Variants in PSMF1 observed in about 807,000 individuals in gnomAD.
PSMF1 encodes proteasome inhibitor subunit 1.
Under a neutral mutation model 29.3 loss-of-function variants are expected in PSMF1, and 30 were observed. That is an observed-to-expected ratio of 1.02 (90% CI 0.77 to 1.39). The LOEUF is 1.39. PSMF1 is among the 40% of genes most tolerant of loss of function. The pLI is 0.00. For synonymous variants in PSMF1, 134 were observed against 139.7 expected (o/e 0.96, Z 0.29); for missense variants, 344 against 357.5 (o/e 0.96, Z 0.31).
intron 1 of PSMF1, among the ~76,000 whole-genome samples, chr20:1,123,460 G>A (rs1459183409): frequency 1.3e-5 from 2 of 152,008 alleles, no homozygotes; most frequent in East Asian, 1.9e-4. Context: ...GCATTTTTTT[G>A]TGCTTTTTAA....
rs1251287664 is a variant in PSMF1, at chr20:1,165,140, TC to T, written c.*64del. 19 of 1,613,478 alleles carry T rather than the reference TC, an allele frequency of 1.2e-5. No individual in the cohort carries two copies. The Admixed American group carries it at 3.2e-4, about 27-fold the overall frequency. On this transcript the variant is annotated 3_prime_UTR_variant, in exon 7 of 7. Coordinates refer to ENST00000335877, the MANE Select transcript of PSMF1 (RefSeq NM_006814.5). ...CATTCTCCTGGAGCTGCCACCGCTG[TC>T]CCCATCAGCAACCATGTTCTTGCAG...
Position 1,164,237 on chromosome 20 carries a change from G to T in PSMF1, c.606-81G>T. The stretch of plus-strand genomic sequence containing the variant: ...CAGAGTAGACATCCCAGCCATTCTT[G>T]GTGCATTGTAACCTCCCTCGCCTTT... On this transcript the variant is annotated intron_variant, in intron 5 of 6. Coordinates refer to ENST00000335877, the MANE Select transcript of PSMF1 (RefSeq NM_006814.5). This position sits in a 1 kb window ranked among gnomAD's most constrained non-coding sequence, Gnocchi z 4.1. 7.2e-7 allele frequency: 1 copy of T among 1,381,200 alleles called. No individual in the cohort carries two copies. Among genetic ancestry groups the T allele is most frequent in the Non-Finnish European group, 1.0e-6 (1 of 973,772 alleles). The allele number at this position is 1,381,200 out of a possible 1,614,324, so 85.6% of individuals were successfully genotyped here.
chr20:1,139,504 CAG>C (rs888398673), intron 4 of PSMF1, among the ~76,000 whole-genome samples: 1 of 152,062 alleles, frequency 6.6e-6, no homozygotes, highest in Non-Finnish European at 1.5e-5. Context: ...CTCCGAAAAA[CAG>C]AACTAAGCAA....
intron 1 of PSMF1, among the ~76,000 whole-genome samples, chr20:1,122,315 TA>T (rs906409003): frequency 4.5e-5 from 5 of 111,134 alleles, no homozygotes; most frequent in African/African-American, 1.8e-4. Context: ...TTTTTTTTTT[TA>T]ATCCGAGATG....
At chr20:1,117,699 G>A (rs1311434155), upstream of PSMF1, 1 of 152,264 alleles carries the variant, frequency 6.6e-6, no homozygotes, top group Non-Finnish European at 1.5e-5. Flanking sequence ...GTACAGACTA[G>A]AGAGAGACAG....
intron 4 of PSMF1, among the ~76,000 whole-genome samples, chr20:1,154,344 A>G (rs1486810922): frequency 6.6e-6 from 1 of 152,162 alleles, no homozygotes; most frequent in Non-Finnish European, 1.5e-5. Context: ...TAAATGTAGC[A>G]TTTCCCAACC....
In PSMF1 at chr20:1,118,733, C is replaced by T. The variant is rs77671210; in HGVS notation, c.-41C>T. 4.8e-4 allele frequency: 773 copies of T among 1,597,640 alleles called. 5 individuals carry two copies. The African/African-American group carries it at 8.3e-3, about 17-fold the overall frequency. ...CGGAGCCGGCTCACTGCACTACCCC[C>T]GCCCCCTTCTTTCCTCCAGACGCCG... On this transcript the variant is annotated 5_prime_UTR_variant, in exon 1 of 7. Coordinates refer to ENST00000335877, the MANE Select transcript of PSMF1 (RefSeq NM_006814.5).
At chr20:1,161,775 C>T (rs1600174984) in intron 4 of PSMF1, 1 of 394,344 alleles carries the variant, frequency 2.5e-6, no homozygotes. Context: ...CAAATGTATA[C>T]ACCTCATGCC....
intron 1 of PSMF1, among the ~76,000 whole-genome samples, chr20:1,122,453 T>A (rs1221596106): frequency 6.6e-6 from 1 of 151,978 alleles, no homozygotes; most frequent in Non-Finnish European, 1.5e-5. Context: ...CCCGCCACCA[T>A]GCCTGGCTAA....
chr20:1,147,164 TCATCATCATCATCAC>T (rs59447136), intron 4 of PSMF1, among the ~76,000 whole-genome samples: 13,281 of 138,824 alleles, frequency 0.096, 745 homozygotes, highest in African/African-American at 0.16. Flanking sequence ...ATCATCATCA[TCATCATCATCATCAC>T]CACCCTGTGT....
intron 4 of PSMF1, among the ~76,000 whole-genome samples, chr20:1,147,492 A>C (rs895794170): frequency 2.0e-5 from 3 of 152,238 alleles, no homozygotes; most frequent in African/African-American, 7.2e-5. Context: ...AATTCAATGT[A>C]GTGTAGACTG....
At chr20:1,161,493 A>G (rs1485981370) in intron 4 of PSMF1, 3 of 516,120 alleles carry the variant, frequency 5.8e-6, no homozygotes, top group Non-Finnish European at 7.2e-6. Flanking sequence ...CATGTACCCA[A>G]GCATCTCCAA....
intron 4 of PSMF1, among the ~76,000 whole-genome samples, chr20:1,141,289 C>T (rs1403852363): frequency 3.9e-5 from 6 of 152,096 alleles, no homozygotes; most frequent in Admixed American, 6.5e-5. Context: ...AAAAACCATG[C>T]GTTATACATG....
intron 4 of PSMF1, among the ~76,000 whole-genome samples, chr20:1,139,534 G>T (rs1245759339): frequency 6.6e-6 from 1 of 152,072 alleles, no homozygotes; most frequent in Non-Finnish European, 1.5e-5. Flanking sequence ...AATGTGGCAG[G>T]ATATAAAATT....
chr20:1,142,718 C>T (rs1389547103), intron 4 of PSMF1, among the ~76,000 whole-genome samples: 2 of 152,146 alleles, frequency 1.3e-5, no homozygotes, highest in African/African-American at 4.8e-5. Context: ...GTGAATAGTG[C>T]CGCAATAAAC....
chr20:1,152,013 G>T (rs1391501691), intron 4 of PSMF1, among the ~76,000 whole-genome samples: 1 of 152,176 alleles, frequency 6.6e-6, no homozygotes, highest in African/African-American at 2.4e-5. Context: ...GATCCATGGG[G>T]TGATGGGAGC....
upstream of PSMF1, among the ~76,000 whole-genome samples, chr20:1,116,476 A>G (rs953268430): frequency 6.6e-6 from 1 of 152,224 alleles, no homozygotes; most frequent in African/African-American, 2.4e-5. Context: ...TGTCTCAAGG[A>G]AACTTTAGGA....
rs2086722072 is a variant in PSMF1 at position 1,165,772 on chromosome 20, T to C, written c.*692T>C. The C allele has an allele frequency of 9.8e-7, 1 of 1,024,398 alleles. No homozygotes were observed. The highest frequency in any genetic ancestry group is 1.7e-5 in the African/African-American group (1 of 58,994). The allele number at this position is 1,024,398 out of a possible 1,614,324, so 63.5% of individuals were successfully genotyped here. A position where few individuals can be genotyped will look rare whatever the true frequency, so the allele number is the denominator to read the frequency against. On this transcript the variant is annotated 3_prime_UTR_variant, in exon 7 of 7. Coordinates refer to ENST00000335877, the MANE Select transcript of PSMF1 (RefSeq NM_006814.5). ...TGATGAGGCAAAATCCTCCAGCTAT[T>C]CCTGTCTGGGCCAGTTTTGTAGGTC...
intron 4 of PSMF1, among the ~76,000 whole-genome samples, chr20:1,152,009 TGG>T (rs1386788255): frequency 6.6e-6 from 1 of 151,908 alleles, no homozygotes; most frequent in Admixed American, 6.6e-5. Context: ...ATTTGATCCA[TGG>T]GGTGATGGGA....
Sources: allele counts gnomAD v4.1 joint callset (sites outside exome capture counted in the v4.1 genomes callset), GRCh38; gene constraint gnomAD v4.1.1; non-coding constraint Gnocchi (gnomAD v3.1); transcripts MANE v1.5; gene names NCBI Gene and HGNC (gene_info 2026-07-23, HGNC 2026-07-21).